SEC14L5: variants seen among roughly 807,000 people sequenced by gnomAD.
SEC14L5 encodes SEC14-like protein 5.
In SEC14L5, 96 loss-of-function variants were observed where a neutral mutation model predicts 84.6. That is an observed-to-expected ratio of 1.13 (90% CI 0.96 to 1.34). The LOEUF (loss-of-function observed/expected upper bound fraction) is 1.34. SEC14L5 is among the 40% of genes most tolerant of loss of function. The probability of loss-of-function intolerance (pLI) is 0.00; values close to 1 mark genes in which losing one functional copy is unlikely to be tolerated. For synonymous variants in SEC14L5, 546 were observed against 383.4 expected, an observed-to-expected ratio of 1.42 and a Z score of -4.95; for missense variants, 1,224 against 942.5, an observed-to-expected ratio of 1.30 and a Z score of -3.91.
chr16:4,965,045 T>A (rs1165865309), intron 2 of SEC14L5, among the ~76,000 whole-genome samples: 5 of 152,150 alleles, frequency 3.3e-5, no homozygotes, highest in African/African-American at 1.2e-4. Flanking sequence ...TAATATATAT[T>A]TTTAAAACTA....
chr16:5,009,345 C>A (rs1279615392), intron 14 of SEC14L5, among the ~76,000 whole-genome samples: 1 of 152,112 alleles, frequency 6.6e-6, no homozygotes, highest in African/African-American at 2.4e-5. Context: ...TCACTCTATC[C>A]ATGATCAGGA....
At chr16:4,965,522 G>C (rs988193498) in intron 2 of SEC14L5, among the ~76,000 whole-genome samples, 5 of 151,550 alleles carry the variant, frequency 3.3e-5, no homozygotes, top group African/African-American at 9.7e-5. Context: ...TTAGCCGGGT[G>C]TGGTGGCGGG....
intron 8 of SEC14L5, among the ~76,000 whole-genome samples, chr16:4,999,680 C>T (rs1433495971): frequency 1.3e-5 from 2 of 150,222 alleles, no homozygotes; most frequent in Non-Finnish European, 3.0e-5. Context: ...TTTGGAAGGC[C>T]GAGGCGGCAG....
Position 5,007,418 on chromosome 16 carries a change from A to T in SEC14L5, c.1504A>T (p.Thr502Ser). 6.2e-7 allele frequency: 1 copy of T among 1,613,790 alleles called. No individual in the cohort carries two copies. Among genetic ancestry groups the T allele is most frequent in the Non-Finnish European group, 8.5e-7 (1 of 1,179,790 alleles). The change falls in exon 13 of 16, where the codon ACG (threonine) becomes TCG (serine). Residue 502 changes from threonine (T) to serine (S), a missense_variant. Thr to Ser is a moderately conservative substitution (Grantham distance 58). Coordinates refer to ENST00000251170, the MANE Select transcript of SEC14L5 (RefSeq NM_014692.2). ...LYMTEEEQEH[T>S]DQLWQWSETY... ...CATGACAGAAGAGGAGCAGGAGCAC[A>T]CGGACCAGCTGTGGCAGTGGAGTGA... is the stretch of plus-strand genomic sequence containing the variant.
At chr16:4,987,745 T>A (rs1955507958) in intron 3 of SEC14L5, 39 bp downstream of exon 3, 1 of 1,420,126 alleles carries the variant, frequency 7.0e-7, no homozygotes, top group East Asian at 2.7e-5. Context: ...GGAGGGGACC[T>A]GTTGCGGAGG....
At chr16:5,006,524 C>A (rs1385688853) in intron 12 of SEC14L5, among the ~76,000 whole-genome samples, 1 of 152,150 alleles carries the variant, frequency 6.6e-6, no homozygotes, top group African/African-American at 2.4e-5. Context: ...TGTCCAGGCC[C>A]CTTTTATTGC....
At chr16:5,001,009 C>A in intron 10 of SEC14L5, 84 bp downstream of exon 10, 1 of 1,099,534 alleles carries the variant, frequency 9.1e-7, no homozygotes, top group Non-Finnish European at 1.4e-6. Context: ...ATGTGCTGGG[C>A]TGGGCAGCGT....
At chr16:4,980,869 G>T (rs777381418) in intron 2 of SEC14L5, among the ~76,000 whole-genome samples, 60 of 152,128 alleles carry the variant, frequency 3.9e-4, no homozygotes, top group Non-Finnish European at 7.4e-4. Flanking sequence ...AAAGCCCCAT[G>T]TCTCATGCCT....
chr16:5,002,297 G>GT (rs1568142771), intron 10 of SEC14L5, among the ~76,000 whole-genome samples: 1 of 72,458 alleles, frequency 1.4e-5, no homozygotes, highest in Non-Finnish European at 2.8e-5. Flanking sequence ...GCTGTTTGCA[G>GT]ATTTTTTTTT....
At chr16:4,988,032 A>C in intron 3 of SEC14L5, 117 bp from the exon 4 acceptor site, 1 of 1,131,356 alleles carries the variant, frequency 8.8e-7, no homozygotes, top group Admixed American at 2.2e-5. Context: ...GCGGTGGCGC[A>C]AGGGACCTGG....
At chr16:4,960,779 G>C (rs1414571767) in intron 2 of SEC14L5, 1 of 152,146 alleles carries the variant, frequency 6.6e-6, no homozygotes, top group Non-Finnish European at 1.5e-5. Flanking sequence ...TAAAGCTCCT[G>C]GTACGGGGCT....
At chr16:5,003,870 C>G (rs1036139636) in intron 11 of SEC14L5, among the ~76,000 whole-genome samples, 3 of 152,248 alleles carry the variant, frequency 2.0e-5, no homozygotes, top group Non-Finnish European at 2.9e-5. Context: ...AAGCGGTCCT[C>G]TTGCCTTGGC....
chr16:4,996,707 G>T, intron 7 of SEC14L5, 148 bp from the exon 8 acceptor site: 1 of 665,722 alleles, frequency 1.5e-6, no homozygotes, highest in Non-Finnish European at 2.6e-6. Flanking sequence ...GAGTAGCTGG[G>T]GTTACAGGCG....
At chr16:4,984,765 T>C (rs1209569056) in intron 2 of SEC14L5, among the ~76,000 whole-genome samples, 1 of 152,230 alleles carries the variant, frequency 6.6e-6, no homozygotes, top group Admixed American at 6.5e-5. Context: ...TCATTGTGGT[T>C]TGGATTTGCA....
At chr16:4,966,384 C>T (rs927380971) in intron 2 of SEC14L5, among the ~76,000 whole-genome samples, 2 of 149,562 alleles carry the variant, frequency 1.3e-5, no homozygotes, top group Non-Finnish European at 3.0e-5. Context: ...AGTGATTCTC[C>T]TGCCTCAGCC....
chr16:5,016,834 T>C lies in SEC14L5; in HGVS notation c.*1864T>C, dbSNP rs1161963678. ...TGGGAGAGAGCCTTGCCCACCTTCCTGTTGGCTCTCTGTCCGCTTCTCAGG... is the reference window on the plus strand; with the variant it reads ...TGGGAGAGAGCCTTGCCCACCTTCCCGTTGGCTCTCTGTCCGCTTCTCAGG... On this transcript the variant is annotated 3_prime_UTR_variant, in exon 16 of 16. Transcript: ENST00000251170. 2 of 152,238 alleles carry C rather than the reference T, an allele frequency of 1.3e-5. No homozygotes were observed. The highest frequency in any genetic ancestry group is 1.3e-4 in the Admixed American group (2 of 15,288). The allele number at this position is 152,238 out of a possible 1,614,324, so 9.4% of individuals were successfully genotyped here. A position where few individuals can be genotyped will look rare whatever the true frequency, so the allele number is the denominator to read the frequency against.
In SEC14L5 at chr16:5,008,675, G is replaced by A. The variant is rs761555919; in HGVS notation, c.1800+27G>A. ...TTTGCATTTTCTGGACCACTCATTCGCTCACCAAGCAGCACTGAGTGTCCA... is the reference window on the plus strand; with the variant it reads ...TTTGCATTTTCTGGACCACTCATTCACTCACCAAGCAGCACTGAGTGTCCA... On this transcript the variant is annotated intron_variant, in intron 14 of 15. Transcript: ENST00000251170. 69 of 1,581,512 alleles carry A rather than the reference G, an allele frequency of 4.4e-5. No individual in the cohort carries two copies. In the East Asian group the frequency reaches 1.3e-3, roughly 31 times the overall value.
At chr16:4,988,120 C>A in intron 3 of SEC14L5, 29 bp from the exon 4 acceptor site, 2 of 1,611,204 alleles carry the variant, frequency 1.2e-6, no homozygotes, top group Non-Finnish European at 1.7e-6. Context: ...CGCCCACCCA[C>A]CTCCGCCTCC....
intron 11 of SEC14L5, among the ~76,000 whole-genome samples, 195 bp from the exon 12 acceptor site, chr16:5,005,719 C>G (rs1022023192): frequency 1.3e-5 from 2 of 151,718 alleles, no homozygotes; most frequent in African/African-American, 2.4e-5. Flanking sequence ...AAAAAATTAG[C>G]CGGGCATGGT....
Sources: allele counts gnomAD v4.1 joint callset (sites outside exome capture counted in the v4.1 genomes callset), GRCh38; gene constraint gnomAD v4.1.1; transcripts MANE v1.5; gene names NCBI Gene and HGNC (gene_info 2026-07-23, HGNC 2026-07-21).